Variants in NRG1 observed in about 807,000 individuals in gnomAD.
NRG1 encodes neuregulin 1, also known as pro-neuregulin-1, membrane-bound isoform.
NRG1 carries 18 observed loss-of-function variants against 63.8 expected under a neutral mutation model. The ratio of observed to expected loss-of-function variants is 0.28; its 90% confidence interval spans 0.19 to 0.42. NRG1 has a LOEUF of 0.42. Ranked by LOEUF, NRG1 falls within the 10% of genes least tolerant of loss-of-function variation. The pLI, the probability that NRG1 is intolerant of heterozygous loss-of-function variation, is 1.00. For missense variants in NRG1, 762 were observed against 814.7 expected (o/e 0.94, Z 0.79); for synonymous variants, 302 against 301.3 (o/e 1.00, Z -0.02).
chr8:32,188,070 A>ATTT (rs796398786), intron 1 of NRG1, among the ~76,000 whole-genome samples: 3 of 146,344 alleles, frequency 2.0e-5, no homozygotes, highest in African/African-American at 7.5e-5. Context: ...AGGATTATAG[A>ATTT]TTTTTTTTTT....
At chr8:31,648,123 TC>T (rs1428414281) in intron 1 of NRG1, among the ~76,000 whole-genome samples, 6 of 116,556 alleles carry the variant, frequency 5.1e-5, no homozygotes, top group Admixed American at 9.8e-5. Flanking sequence ...ATTTGACTAC[TC>T]TTTTTTTTTT....
At chr8:32,237,428 C>A (rs1456088007) in intron 1 of NRG1, among the ~76,000 whole-genome samples, 1 of 151,894 alleles carries the variant, frequency 6.6e-6, no homozygotes, top group Admixed American at 6.6e-5. Flanking sequence ...TTATTACATT[C>A]TTTTACATCT....
chr8:31,986,496 A>G (rs1348527424), intron 1 of NRG1, among the ~76,000 whole-genome samples: 1 of 152,104 alleles, frequency 6.6e-6, no homozygotes, highest in Non-Finnish European at 1.5e-5. Flanking sequence ...CATTTGACAC[A>G]AATTTGACTG....
At chr8:32,485,217 C>G (rs554086013) in intron 1 of NRG1, among the ~76,000 whole-genome samples, 5 of 151,796 alleles carry the variant, frequency 3.3e-5, no homozygotes, top group African/African-American at 1.2e-4. Context: ...TGGGTTCAAG[C>G]GATACTCCTG....
chr8:31,810,614 C>A (rs961667717), intron 1 of NRG1, among the ~76,000 whole-genome samples: 1 of 152,140 alleles, frequency 6.6e-6, no homozygotes, highest in African/African-American at 2.4e-5. Flanking sequence ...TTAATTGTTT[C>A]TCACACAAAA....
intron 5 of NRG1, among the ~76,000 whole-genome samples, chr8:32,625,796 T>TTTTTTTTTTTTTTC (rs1563796488): frequency 1.1e-4 from 15 of 140,194 alleles, no homozygotes; most frequent in African/African-American, 3.4e-4. Context: ...TTCTTTTTTC[T>TTTTTTTTTTTTTTC]TTTTTTTTTT....
At chr8:32,756,319 T>C in intron 8 of NRG1, 84 bp from the exon 9 acceptor site, 2 of 1,503,324 alleles carry the variant, frequency 1.3e-6, no homozygotes, top group Middle Eastern at 1.8e-4. Context: ...GAACTACTCA[T>C]AGGTGTTGGT....
At chr8:32,368,212 A>G (rs1391382073) in intron 1 of NRG1, among the ~76,000 whole-genome samples, 1 of 152,226 alleles carries the variant, frequency 6.6e-6, no homozygotes. Flanking sequence ...TAGTTTTAAT[A>G]GGTTAAAATT....
intron 1 of NRG1, among the ~76,000 whole-genome samples, chr8:32,566,286 G>A (rs1837428143): frequency 6.8e-6 from 1 of 146,370 alleles, no homozygotes; most frequent in Non-Finnish European, 1.5e-5. Context: ...GAACCTGGGA[G>A]GGGGAGGTTG....
chr8:31,785,001 G>T (rs1586394591), intron 1 of NRG1, among the ~76,000 whole-genome samples: 1 of 152,096 alleles, frequency 6.6e-6, no homozygotes, highest in East Asian at 1.9e-4. Flanking sequence ...AATCTTTACA[G>T]AGAGCAGGGA....
chr8:32,647,767 C>T (rs1191200174), intron 5 of NRG1: 3 of 1,605,704 alleles, frequency 1.9e-6, no homozygotes, highest in Non-Finnish European at 2.6e-6. Flanking sequence ...GAGAGGTCCT[C>T]CAGCCCCTCC....
intron 5 of NRG1, among the ~76,000 whole-genome samples, chr8:32,665,282 T>G (rs894581540): frequency 6.6e-6 from 1 of 152,166 alleles, no homozygotes; most frequent in African/African-American, 2.4e-5. Context: ...TTACAGATTC[T>G]TTTATATTAG....
At chr8:32,091,370 A>T (rs1829133964) in intron 1 of NRG1, among the ~76,000 whole-genome samples, 1 of 152,176 alleles carries the variant, frequency 6.6e-6, no homozygotes, top group Non-Finnish European at 1.5e-5. Flanking sequence ...TGACATTTAC[A>T]ATGATCATGG....
At chr8:32,727,289 T>G (rs1402139790) in intron 5 of NRG1, among the ~76,000 whole-genome samples, 3 of 152,220 alleles carry the variant, frequency 2.0e-5, no homozygotes, top group African/African-American at 7.2e-5. Context: ...ACAGTGATAT[T>G]AGACTCTTTC....
intron 1 of NRG1, among the ~76,000 whole-genome samples, chr8:32,173,578 G>A (rs1840331391): frequency 6.6e-6 from 1 of 152,084 alleles, no homozygotes; most frequent in Non-Finnish European, 1.5e-5. Flanking sequence ...CCATCAGTGT[G>A]CTGTATTCAG....
chr8:31,656,227 G>A (rs567196166), intron 1 of NRG1, among the ~76,000 whole-genome samples: 64 of 152,272 alleles, frequency 4.2e-4, no homozygotes, highest in Non-Finnish European at 6.3e-4. Flanking sequence ...AGCAATTAGA[G>A]CAGTGAAAGG....
intron 1 of NRG1, among the ~76,000 whole-genome samples, chr8:31,851,416 C>T (rs1827201585): frequency 6.6e-6 from 1 of 152,020 alleles, no homozygotes; most frequent in South Asian, 2.1e-4. Flanking sequence ...GCAGAGTGTC[C>T]TGAAATATCT....
At chr8:32,056,456 A>G (rs1023148956) in intron 1 of NRG1, among the ~76,000 whole-genome samples, 3 of 152,118 alleles carry the variant, frequency 2.0e-5, no homozygotes, top group Non-Finnish European at 2.9e-5. Context: ...AAAAATGTGT[A>G]TGACATAATT....
intron 1 of NRG1, among the ~76,000 whole-genome samples, chr8:32,501,124 C>T (rs571796452): frequency 2.0e-5 from 3 of 152,096 alleles, no homozygotes; most frequent in Non-Finnish European, 2.9e-5. Flanking sequence ...AGAAAAGCAT[C>T]GGCATAAAAC....
Sources: allele counts gnomAD v4.1 joint callset (sites outside exome capture counted in the v4.1 genomes callset), GRCh38; gene constraint gnomAD v4.1.1; transcripts MANE v1.5; gene names NCBI Gene and HGNC (gene_info 2026-07-23, HGNC 2026-07-21).